The following SLC35H1 variants were observed in gnomAD, a reference collection of about 807,000 sequenced individuals.
The protein encoded by SLC35H1 is ovarian cancer-overexpressed gene 1 protein.
the SLC35H1 span, chr20:46,348,503 C>T: frequency 2.1e-4 from 32 of 152,242 alleles, no homozygotes; most frequent in African/African-American, 7.5e-4. Context: ...GCACGAGCCT[C>T]CTTTAATCTT....
chr20:46,358,514 G>A, the SLC35H1 span: 61 of 1,614,162 alleles, frequency 3.8e-5, 1 homozygote, highest in Admixed American at 6.2e-4. Flanking sequence ...CATTCGTGGC[G>A]GCTGCAGCAC....
chr20:46,358,329 AGC>A, the SLC35H1 span: 1 of 1,469,254 alleles, frequency 6.8e-7, no homozygotes, highest in African/African-American at 1.4e-5. Context: ...AGGGCACCGT[AGC>A]CATGGCTCTG....
chr20:46,347,121 G>C, the SLC35H1 span: 2 of 152,194 alleles, frequency 1.3e-5, no homozygotes, highest in African/African-American at 2.4e-5. Context: ...TCAGGTGTAT[G>C]TATTATTATT....
chr20:46,350,273 C>T, the SLC35H1 span: 2 of 1,292,250 alleles, frequency 1.5e-6, no homozygotes, highest in South Asian at 3.0e-5. Flanking sequence ...CTTGGCCCCA[C>T]CACCTGGTGA....
At chr20:46,364,413 T>C in the SLC35H1 span, 1 of 152,158 alleles carries the variant, frequency 6.6e-6, no homozygotes, top group Admixed American at 6.5e-5. Context: ...CCACCGGAAG[T>C]GCGAGGCCGG....
the SLC35H1 span, among the ~76,000 whole-genome samples, chr20:46,354,084 C>T: frequency 6.6e-6 from 1 of 152,012 alleles, no homozygotes; most frequent in African/African-American, 2.4e-5. Flanking sequence ...GGTGGCGTCA[C>T]ACCTCCCAGC....
chr20:46,358,491 G>A, the SLC35H1 span: 4 of 1,614,198 alleles, frequency 2.5e-6, no homozygotes, highest in South Asian at 3.3e-5. Context: ...GCCACATCGA[G>A]GGCCCACCTC....
At chr20:46,357,732 G>C in the SLC35H1 span, 71 of 1,614,096 alleles carry the variant, frequency 4.4e-5, no homozygotes, top group African/African-American at 9.2e-4. Flanking sequence ...GGAAGATCAC[G>C]GCCAGGTGCA....
At chr20:46,357,445 C>T in the SLC35H1 span, among the ~76,000 whole-genome samples, 1 of 152,210 alleles carries the variant, frequency 6.6e-6, no homozygotes, top group Admixed American at 6.5e-5. Context: ...GGAAGGCACG[C>T]AGTGCACAAG....
At chr20:46,354,858 C>G in the SLC35H1 span, 1 of 1,569,268 alleles carries the variant, frequency 6.4e-7, no homozygotes, top group Non-Finnish European at 8.7e-7. Context: ...CTGAGGTGCC[C>G]TTGAGAGGGA....
At chr20:46,358,667 C>T in the SLC35H1 span, 1 of 1,551,864 alleles carries the variant, frequency 6.4e-7, no homozygotes, top group South Asian at 1.2e-5. Context: ...GAACCATCAG[C>T]AGAGCCCCAG....
At chr20:46,350,823 C>G in the SLC35H1 span, 2 of 1,614,100 alleles carry the variant, frequency 1.2e-6, no homozygotes, top group Admixed American at 3.3e-5. Flanking sequence ...GAGGGCGAAG[C>G]CCAGCCAGTT....
the SLC35H1 span, chr20:46,353,303 G>A: frequency 2.0e-5 from 3 of 152,172 alleles, no homozygotes; most frequent in Non-Finnish European, 4.4e-5. Context: ...CAGAAACACA[G>A]GCATGCACAC....
the SLC35H1 span, among the ~76,000 whole-genome samples, chr20:46,359,326 T>G: frequency 2.0e-5 from 3 of 152,186 alleles, no homozygotes; most frequent in African/African-American, 4.8e-5. Flanking sequence ...TACTTCTCTT[T>G]CATAGCACTT....
chr20:46,355,560 C>T, the SLC35H1 span, among the ~76,000 whole-genome samples: 7 of 152,192 alleles, frequency 4.6e-5, no homozygotes. The surrounding 1 kb of genome is among the most constrained non-coding windows in gnomAD (Gnocchi z 4.8). Context: ...GCTTCCTAGA[C>T]CCAGCTCTGC....
chr20:46,355,403 A>G, the SLC35H1 span: 10 of 762,396 alleles, frequency 1.3e-5, no homozygotes, highest in Non-Finnish European at 2.1e-5. This position sits in a 1 kb window ranked among gnomAD's most constrained non-coding sequence, Gnocchi z 4.8. Context: ...GTCCTTGCCC[A>G]CCAATGTCAG....
the SLC35H1 span, chr20:46,358,250 T>C: frequency 2.4e-6 from 2 of 821,864 alleles, no homozygotes; most frequent in South Asian, 1.6e-5. Context: ...TGGAGGGCCC[T>C]GTTCCAGCCC....
the SLC35H1 span, among the ~76,000 whole-genome samples, chr20:46,361,514 G>A: frequency 2.0e-5 from 3 of 152,174 alleles, no homozygotes; most frequent in African/African-American, 7.2e-5. Flanking sequence ...TACGTCTACA[G>A]ATCTCAAAAC....
At chr20:46,352,668 G>A in the SLC35H1 span, 1 of 150,134 alleles carries the variant, frequency 6.7e-6, no homozygotes, top group Admixed American at 6.6e-5. Context: ...GGATGACGAT[G>A]GGATCCTAGT....
Sources: allele counts gnomAD v4.1 joint callset (sites outside exome capture counted in the v4.1 genomes callset), GRCh38; gene constraint gnomAD v4.1.1; non-coding constraint Gnocchi (gnomAD v3.1); transcripts MANE v1.5; gene names NCBI Gene and HGNC (gene_info 2026-07-23, HGNC 2026-07-21).